The following LHFPL3 variants were observed in gnomAD, a reference collection of about 807,000 sequenced individuals.
LHFPL3 encodes LHFPL tetraspan subfamily member 3 protein.
In LHFPL3, 5 loss-of-function variants were observed where a neutral mutation model predicts 19.3. The observed-to-expected ratio is 0.26, with a 90% confidence interval of 0.14 to 0.54. LHFPL3 has a LOEUF of 0.54. Ranked by LOEUF, LHFPL3 falls within the 20% of genes least tolerant of loss-of-function variation. The pLI, the probability that LHFPL3 is intolerant of heterozygous loss-of-function variation, is 0.94. For synonymous variants in LHFPL3, 133 were observed against 126.2 expected (o/e 1.05, Z -0.36); for missense variants, 249 against 307.4 (o/e 0.81, Z 1.42).
chr7:104,435,820 T>G (rs1331327211), intron 1 of LHFPL3, among the ~76,000 whole-genome samples: 1 of 152,122 alleles, frequency 6.6e-6, no homozygotes, highest in Non-Finnish European at 1.5e-5. Context: ...ATTTATAGAC[T>G]GGCCCTTTGA....
intron 1 of LHFPL3, among the ~76,000 whole-genome samples, chr7:104,718,318 A>AG (rs1476070872): frequency 2.0e-5 from 3 of 152,222 alleles, no homozygotes; most frequent in Admixed American, 1.3e-4. Context: ...AATAAAATTA[A>AG]GGGGGAAAAA....
At chr7:104,645,654 CTTTTTTTTTTTTT>C (rs869151153) in intron 1 of LHFPL3, among the ~76,000 whole-genome samples, 2 of 81,618 alleles carry the variant, frequency 2.5e-5, no homozygotes, top group African/African-American at 1.0e-4. Flanking sequence ...ATTGGGTTTT[CTTTTTTTTTTTTT>C]TTTTTTTTTT....
intron 1 of LHFPL3, among the ~76,000 whole-genome samples, chr7:104,492,304 A>G (rs1793374074): frequency 6.6e-6 from 1 of 152,208 alleles, no homozygotes; most frequent in South Asian, 2.1e-4. Context: ...TAGCAACAGA[A>G]CGGTGGCACT....
At chr7:104,890,222 G>C (rs1422244637) in intron 2 of LHFPL3, among the ~76,000 whole-genome samples, 2 of 152,188 alleles carry the variant, frequency 1.3e-5, no homozygotes, top group Non-Finnish European at 2.9e-5. Flanking sequence ...AGGGTCCCTT[G>C]AGCCCAGGAT....
intron 1 of LHFPL3, among the ~76,000 whole-genome samples, chr7:104,561,511 CT>C (rs1313130680): frequency 6.6e-6 from 1 of 150,536 alleles, no homozygotes; most frequent in Non-Finnish European, 1.5e-5. Context: ...CAACCCCTGC[CT>C]TTTTTTGTTT....
chr7:104,430,388 A>ATATATACGTG (rs1314883020), intron 1 of LHFPL3, among the ~76,000 whole-genome samples: 3 of 50,046 alleles, frequency 6.0e-5, no homozygotes, highest in African/African-American at 1.1e-4. Context: ...ATATACATAT[A>ATATATACGTG]TATATATATA....
intron 1 of LHFPL3, among the ~76,000 whole-genome samples, chr7:104,420,393 C>T (rs114136417): frequency 6.6e-4 from 100 of 152,152 alleles, no homozygotes; most frequent in African/African-American, 2.3e-3. Context: ...ACAGGGAAAC[C>T]GGTGGTAACA....
chr7:104,409,304 CTGTGTGTGTGTGTGTGTGTGTGTG>C (rs59285167), intron 1 of LHFPL3, among the ~76,000 whole-genome samples: 1 of 148,912 alleles, frequency 6.7e-6, no homozygotes. Context: ...CTTATGTGTG[CTGTGTGTGTGTGTGTGTGTGTGTG>C]TGTGTGTGTG....
At chr7:104,430,454 A>ATACACATATATATATATATATATATAT (rs1562895362) in intron 1 of LHFPL3, among the ~76,000 whole-genome samples, 1 of 15,298 alleles carries the variant, frequency 6.5e-5, no homozygotes, top group African/African-American at 2.6e-4. Context: ...ATATATATAT[A>ATACACATATATATATATATATATATAT]TTTTTTTTTT....
intron 2 of LHFPL3, among the ~76,000 whole-genome samples, chr7:104,888,734 G>A (rs1792193668): frequency 6.6e-6 from 1 of 152,216 alleles, no homozygotes. Context: ...TGTCACATGT[G>A]TCAACAATGC....
At chr7:104,821,110 C>G (rs1033756847) in intron 2 of LHFPL3, among the ~76,000 whole-genome samples, 1 of 152,144 alleles carries the variant, frequency 6.6e-6, no homozygotes, top group African/African-American at 2.4e-5. Context: ...TTATTGCATG[C>G]TTTCTGCTTT....
At chr7:104,700,471 G>C (rs1450733314) in intron 1 of LHFPL3, among the ~76,000 whole-genome samples, 1 of 152,190 alleles carries the variant, frequency 6.6e-6, no homozygotes, top group Non-Finnish European at 1.5e-5. Flanking sequence ...TTCTTCCCTA[G>C]TGGGTAAGGA....
intron 1 of LHFPL3, among the ~76,000 whole-genome samples, chr7:104,426,952 T>C (rs998002330): frequency 6.6e-6 from 1 of 152,172 alleles, no homozygotes; most frequent in Admixed American, 6.5e-5. Flanking sequence ...AACACGTGTG[T>C]GGCACAAAAT....
intron 1 of LHFPL3, among the ~76,000 whole-genome samples, chr7:104,354,992 A>G (rs539103100): frequency 2.0e-4 from 30 of 152,202 alleles, no homozygotes; most frequent in Non-Finnish European, 3.2e-4. Context: ...CTCAATTTGG[A>G]TGCTAAATTT....
chr7:104,630,367 G>A (rs1791618158), intron 1 of LHFPL3, among the ~76,000 whole-genome samples: 1 of 152,092 alleles, frequency 6.6e-6, no homozygotes, highest in Admixed American at 6.6e-5. Context: ...GGAATTAAGA[G>A]GTAATTGCAT....
intron 2 of LHFPL3, among the ~76,000 whole-genome samples, chr7:104,829,689 C>T (rs1790908956): frequency 2.0e-5 from 3 of 151,904 alleles, no homozygotes; most frequent in Admixed American, 6.5e-5. Context: ...CATAGTATTC[C>T]ATGGTGTATA....
chr7:104,818,174 G>T (rs976610893), intron 2 of LHFPL3, among the ~76,000 whole-genome samples: 19 of 152,148 alleles, frequency 1.2e-4, no homozygotes, highest in African/African-American at 2.4e-4. Flanking sequence ...GTACTTAAAT[G>T]CTTCAGAGAA....
At chr7:104,555,083 A>G (rs970392800) in intron 1 of LHFPL3, among the ~76,000 whole-genome samples, 5 of 152,160 alleles carry the variant, frequency 3.3e-5, no homozygotes, top group Admixed American at 2.0e-4. Context: ...TACTCAGTCC[A>G]CCAACTCACC....
intron 1 of LHFPL3, among the ~76,000 whole-genome samples, chr7:104,680,410 G>A (rs1017896492): frequency 6.6e-6 from 1 of 152,206 alleles, no homozygotes; most frequent in South Asian, 2.1e-4. Context: ...CAGGAAAAGT[G>A]CCAGCACAGG....
Sources: allele counts gnomAD v4.1 joint callset (sites outside exome capture counted in the v4.1 genomes callset), GRCh38; gene constraint gnomAD v4.1.1; transcripts MANE v1.5; gene names NCBI Gene and HGNC (gene_info 2026-07-23, HGNC 2026-07-21).